Variants in TDRD5 observed in about 807,000 individuals in gnomAD.
The protein encoded by TDRD5 is tudor domain-containing protein 5.
TDRD5 carries 41 observed loss-of-function variants against 120.6 expected under a neutral mutation model. That is an observed-to-expected ratio of 0.34 (90% CI 0.26 to 0.44). The LOEUF is 0.44. Ranked by LOEUF, TDRD5 falls within the 20% of genes least tolerant of loss-of-function variation. TDRD5 has a pLI of 1.00. For synonymous variants in TDRD5, 430 were observed against 433.7 expected, an observed-to-expected ratio of 0.99 and a Z score of 0.11; for missense variants, 1,006 against 1,221.2, an observed-to-expected ratio of 0.82 and a Z score of 2.63.
At chr1:179,640,348 T>C in intron 10 of TDRD5, 31 bp from the exon 11 acceptor site, 1 of 1,612,934 alleles carries the variant, frequency 6.2e-7, no homozygotes, top group Non-Finnish European at 8.5e-7. Flanking sequence ...AGCAGGAAGA[T>C]TGAACTTACA....
intron 8 of TDRD5, among the ~76,000 whole-genome samples, chr1:179,634,964 A>G (rs1386004469): frequency 6.6e-6 from 1 of 152,140 alleles, no homozygotes; most frequent in East Asian, 1.9e-4. Context: ...CGCTGCTGCA[A>G]ATTGCCTCTA....
chr1:179,665,790 GT>G (rs1178537820), intron 16 of TDRD5, among the ~76,000 whole-genome samples: 3 of 152,074 alleles, frequency 2.0e-5, no homozygotes, highest in Non-Finnish European at 4.4e-5. Flanking sequence ...TCTTAAGAAA[GT>G]TTTCTTTTTC....
intron 16 of TDRD5, among the ~76,000 whole-genome samples, chr1:179,665,206 T>G (rs1679502225): frequency 6.6e-6 from 1 of 152,176 alleles, no homozygotes; most frequent in South Asian, 2.1e-4. Flanking sequence ...CTTCTGTTTT[T>G]CTTTTTCACT....
chr1:179,637,204 C>G (rs1025159718), intron 9 of TDRD5, among the ~76,000 whole-genome samples: 1 of 152,144 alleles, frequency 6.6e-6, no homozygotes, highest in Non-Finnish European at 1.5e-5. Context: ...TGCTTCTACT[C>G]CAGGACACCT....
At chr1:179,608,298 T>G (rs550200151) in intron 4 of TDRD5, among the ~76,000 whole-genome samples, 3 of 152,016 alleles carry the variant, frequency 2.0e-5, no homozygotes, top group Non-Finnish European at 2.9e-5. Context: ...TCATTGAGCT[T>G]CTTATATCAT....
chr1:179,628,929 T>TTGC (rs1440290509), intron 6 of TDRD5, among the ~76,000 whole-genome samples: 1 of 152,086 alleles, frequency 6.6e-6, no homozygotes, highest in Non-Finnish European at 1.5e-5. Context: ...TTTGTTGTTG[T>TTGC]TGTTGTTGTT....
At chr1:179,688,517 T>A (rs1362239699) in intron 17 of TDRD5, among the ~76,000 whole-genome samples, 1 of 152,232 alleles carries the variant, frequency 6.6e-6, no homozygotes, top group African/African-American at 2.4e-5. Context: ...CTGACAATTA[T>A]GTTTCTTGGA....
At chr1:179,641,980 A>C (rs538147207) in intron 11 of TDRD5, among the ~76,000 whole-genome samples, 20 of 152,318 alleles carry the variant, frequency 1.3e-4, no homozygotes, top group Middle Eastern at 3.4e-3. Context: ...TTTTGCCATC[A>C]GGAAGCACAG....
chr1:179,661,993 T>G, intron 14 of TDRD5, 111 bp from the exon 15 acceptor site: 2 of 994,444 alleles, frequency 2.0e-6, no homozygotes, highest in Non-Finnish European at 2.8e-6. Flanking sequence ...AATTGTGAAT[T>G]CAAACTGTCA....
At chr1:179,663,212 A>G in intron 15 of TDRD5, 136 bp from the exon 16 acceptor site, 1 of 1,015,296 alleles carries the variant, frequency 9.8e-7, no homozygotes, top group Admixed American at 3.2e-5. Flanking sequence ...AGGAAAGTCA[A>G]ACTGATATAG....
At chr1:179,610,528 A>G (rs752020622) in intron 4 of TDRD5, among the ~76,000 whole-genome samples, 25 of 152,178 alleles carry the variant, frequency 1.6e-4, no homozygotes, top group Non-Finnish European at 3.2e-4. Context: ...TTCAACTCAG[A>G]GTGTGGTAGT....
intron 1 of TDRD5, 24 bp from the exon 2 acceptor site, chr1:179,592,578 C>T: frequency 6.9e-6 from 11 of 1,588,504 alleles, no homozygotes; most frequent in Non-Finnish European, 7.8e-6. Context: ...GCCCCCTTTT[C>T]CTCAGCTGCG....
chr1:179,625,653 A>T (rs1302712855), intron 6 of TDRD5, among the ~76,000 whole-genome samples: 1 of 152,230 alleles, frequency 6.6e-6, no homozygotes, highest in Non-Finnish European at 1.5e-5. Flanking sequence ...TTATACTCCC[A>T]GATATTTATT....
intron 6 of TDRD5, among the ~76,000 whole-genome samples, chr1:179,625,947 A>T (rs1677100282): frequency 6.6e-6 from 1 of 152,078 alleles, no homozygotes; most frequent in South Asian, 2.1e-4. Context: ...CATCATTCTC[A>T]GTAAACCATC....
At chr1:179,649,182 G>A (rs4072098) in intron 11 of TDRD5, among the ~76,000 whole-genome samples, 51,999 of 151,760 alleles carry the variant, frequency 0.34, 9,087 homozygotes, top group Admixed American at 0.42. Flanking sequence ...TATTGGTGTG[G>A]TGTGTTTATG....
intron 5 of TDRD5, among the ~76,000 whole-genome samples, chr1:179,619,759 C>A (rs1676750064): frequency 6.6e-6 from 1 of 151,848 alleles, no homozygotes; most frequent in Non-Finnish European, 1.5e-5. Context: ...GTAGCTGGGA[C>A]TAGAGGTGCA....
intron 11 of TDRD5, among the ~76,000 whole-genome samples, chr1:179,647,446 C>A (rs1362540491): frequency 6.6e-6 from 1 of 152,052 alleles, no homozygotes; most frequent in Non-Finnish European, 1.5e-5. Flanking sequence ...AAACAAAAAT[C>A]AATTCAAGGT....
intron 4 of TDRD5, among the ~76,000 whole-genome samples, chr1:179,606,142 T>G (rs1370622492): frequency 6.6e-6 from 1 of 151,298 alleles, no homozygotes; most frequent in Non-Finnish European, 1.5e-5. Context: ...ATTCTAATAC[T>G]GTATAGTGAT....
chr1:179,597,704 G>A (rs1675480672), intron 4 of TDRD5, among the ~76,000 whole-genome samples: 2 of 152,108 alleles, frequency 1.3e-5, no homozygotes, highest in South Asian at 4.2e-4. Flanking sequence ...CGTTTTTCTT[G>A]AAGTTTTATG....
Sources: allele counts gnomAD v4.1 joint callset (sites outside exome capture counted in the v4.1 genomes callset), GRCh38; gene constraint gnomAD v4.1.1; transcripts MANE v1.5; gene names NCBI Gene and HGNC (gene_info 2026-07-23, HGNC 2026-07-21).